The following TLL1 variants were observed in gnomAD, a reference collection of about 807,000 sequenced individuals.
TLL1 encodes the protein tolloid-like protein 1.
A neutral mutation model predicts 128.2 loss-of-function variants in TLL1; 49 were observed. That is an observed-to-expected ratio of 0.38 (90% CI 0.30 to 0.48). TLL1 has a LOEUF of 0.48. Among genes scored for constraint, TLL1 ranks in the 20% least tolerant of loss-of-function variants. TLL1 has a pLI of 0.96. For missense variants in TLL1, 1,123 were observed against 1,242.0 expected (o/e 0.90, Z 1.44); for synonymous variants, 454 against 418.8 (o/e 1.08, Z -1.03).
chr4:166,061,494 C>T (rs1442703789), intron 15 of TLL1, among the ~76,000 whole-genome samples: 2 of 152,104 alleles, frequency 1.3e-5, no homozygotes, highest in African/African-American at 4.8e-5. Context: ...ATCCGCCTGC[C>T]TCAGCCTCCA....
Position 165,900,604 on chromosome 4 carries a change from T to G in TLL1, c.169+26531T>G, listed in dbSNP as rs574075699. 5.3e-5 allele frequency among the ~76,000 whole-genome samples: 8 copies of G among 151,746 alleles called. No homozygotes were observed. The South Asian group carries it at 1.7e-3, about 32-fold the overall frequency. The stretch of plus-strand genomic sequence containing the variant: ...TTGCAGGGTTTCTGCAGAGAGATCC[T>G]CTGTTATTCTGATGGACTTCCCTTT... On this transcript the variant is annotated intron_variant, in intron 1 of 20. Transcript: ENST00000061240.
chr4:165,982,157 TATTA>T (rs1440981947), intron 1 of TLL1, among the ~76,000 whole-genome samples: 1 of 152,010 alleles, frequency 6.6e-6, no homozygotes, highest in African/African-American at 2.4e-5. Context: ...AAGTTAATAG[TATTA>T]ATTAATATCA....
chr4:166,075,925 T>C (rs1397818689), intron 17 of TLL1, among the ~76,000 whole-genome samples: 2 of 152,186 alleles, frequency 1.3e-5, no homozygotes, highest in African/African-American at 4.8e-5. Flanking sequence ...TTGAGCTAAT[T>C]ACATTGTGCA....
At chr4:166,054,782 A>G (rs1435796321) in intron 12 of TLL1, among the ~76,000 whole-genome samples, 1 of 151,990 alleles carries the variant, frequency 6.6e-6, no homozygotes. Flanking sequence ...TGAATGAAGA[A>G]TTTCTACTTG....
At chr4:165,929,550 A>AG (rs1733424812) in intron 1 of TLL1, among the ~76,000 whole-genome samples, 1 of 151,990 alleles carries the variant, frequency 6.6e-6, no homozygotes, top group Non-Finnish European at 1.5e-5. Flanking sequence ...AAAAAAAAAA[A>AG]AAGTAGATAA....
rs761214388 is a variant in TLL1 at position 165,931,718 on chromosome 4, C to CAAAAAAA, written c.169+57649_169+57650insAAAAAAA. 2.0e-3 allele frequency among the ~76,000 whole-genome samples: 265 copies of CAAAAAAA among 133,486 alleles called. 1 individual carries two copies. In the East Asian group the frequency reaches 0.038, roughly 19 times the overall value. 87.6% of individuals were successfully genotyped at this position (133,486 alleles called of 152,430 possible). A position where few individuals can be genotyped will look rare whatever the true frequency, so the allele number is the denominator to read the frequency against. Reference sequence around the variant, plus strand: ...TGGGCGACAGAGTAAGACTCTGTCTCAAAAGAAAAAAAAAAGAAATTGCAA... The same window carrying CAAAAAAA: ...TGGGCGACAGAGTAAGACTCTGTCTCAAAAAAAAAAAGAAAAAAAAAAGAAATTGCAA... On this transcript the variant is annotated intron_variant, in intron 1 of 20. Coordinates refer to ENST00000061240, the MANE Select transcript of TLL1 (RefSeq NM_012464.5).
At chr4:166,092,105 T>G (rs1579733106) in intron 19 of TLL1, among the ~76,000 whole-genome samples, 1 of 152,074 alleles carries the variant, frequency 6.6e-6, no homozygotes. Context: ...CTAGTGGCAT[T>G]GCTGATGCAT....
At chr4:166,066,457 A>C (rs1170828914) in intron 16 of TLL1, among the ~76,000 whole-genome samples, 1 of 151,788 alleles carries the variant, frequency 6.6e-6, no homozygotes, top group Non-Finnish European at 1.5e-5. Context: ...TTTTTTCTCA[A>C]TCTCAGAATC....
chr4:166,044,442 T>A (rs1220478136), intron 12 of TLL1: 2 of 1,534,866 alleles, frequency 1.3e-6, no homozygotes, highest in African/African-American at 2.7e-5. Context: ...CTGTAAATTC[T>A]ATTTCTTCAG....
rs963531253 is a variant in TLL1 at position 166,102,895 on chromosome 4, A to G, written c.*2019A>G. On this transcript the variant is annotated 3_prime_UTR_variant, in exon 21 of 21. Transcript: ENST00000061240. ...GTAACTTCTTCCATATTTTCTCACT[A>G]ATCTCCCGTTAGCCAAAATATGCCA... 13 of 151,876 alleles carry G rather than the reference A, an allele frequency of 8.6e-5. No homozygotes were observed. The highest frequency in any genetic ancestry group is 5.9e-5 in the Non-Finnish European group (4 of 67,890). 9.4% of individuals were successfully genotyped at this position (151,876 alleles called of 1,614,324 possible).
intron 1 of TLL1, among the ~76,000 whole-genome samples, chr4:165,937,868 A>T (rs1733837134): frequency 8.6e-6 from 1 of 116,800 alleles, no homozygotes; most frequent in Non-Finnish European, 1.7e-5. Flanking sequence ...CCCCCCAAAA[A>T]AAAGCATTGC....
chr4:165,938,294 T>A (rs1430587498), intron 1 of TLL1, among the ~76,000 whole-genome samples: 1 of 152,082 alleles, frequency 6.6e-6, no homozygotes, highest in Non-Finnish European at 1.5e-5. Context: ...TCTCTTTTAT[T>A]TCTGATTATT....
chr4:166,062,506 T>C (rs1740368725), intron 15 of TLL1, among the ~76,000 whole-genome samples: 1 of 152,206 alleles, frequency 6.6e-6, no homozygotes, highest in Non-Finnish European at 1.5e-5. Flanking sequence ...CACTCATGAT[T>C]TGGCTCTCTG....
At chr4:165,882,024 T>C (rs1730989530) in intron 1 of TLL1, among the ~76,000 whole-genome samples, 1 of 152,180 alleles carries the variant, frequency 6.6e-6, no homozygotes, top group African/African-American at 2.4e-5. Context: ...AGGAAAGTGG[T>C]TTACAGTGTA....
At chr4:165,990,237 T>C (rs935746898) in intron 2 of TLL1, among the ~76,000 whole-genome samples, 7 of 151,914 alleles carry the variant, frequency 4.6e-5, no homozygotes, top group Admixed American at 4.6e-4. Context: ...TGGAGAAAAT[T>C]GCAAGGTTAG....
intron 14 of TLL1, among the ~76,000 whole-genome samples, chr4:166,059,660 T>G (rs1740205666): frequency 6.6e-6 from 1 of 152,030 alleles, no homozygotes; most frequent in African/African-American, 2.4e-5. Context: ...AAAAAAAATT[T>G]TTTTCCTTAA....
chr4:166,016,894 C>T (rs1371852498), intron 8 of TLL1, among the ~76,000 whole-genome samples: 3 of 151,614 alleles, frequency 2.0e-5, no homozygotes, highest in Non-Finnish European at 4.4e-5. Flanking sequence ...TTTAGTTCCC[C>T]AAATCTTTGG....
intron 1 of TLL1, among the ~76,000 whole-genome samples, chr4:165,971,729 T>G (rs1214379405): frequency 6.6e-6 from 1 of 152,122 alleles, no homozygotes; most frequent in Non-Finnish European, 1.5e-5. Flanking sequence ...TTTTAAAATT[T>G]TTTAAAAATT....
At chr4:166,064,158 T>C (rs1051338794) in intron 15 of TLL1, among the ~76,000 whole-genome samples, 6 of 152,124 alleles carry the variant, frequency 3.9e-5, no homozygotes, top group Admixed American at 6.6e-5. Flanking sequence ...AAATATAATT[T>C]TCTTTTAATA....
Sources: gnomAD v4.1 joint callset for allele counts (sites outside exome capture counted in the v4.1 genomes callset) on GRCh38, gnomAD v4.1.1 for gene constraint, MANE v1.5 for transcripts, NCBI Gene and HGNC (gene_info 2026-07-23, HGNC 2026-07-21) for gene names.